The following PURG variants were observed in gnomAD, a reference collection of about 807,000 sequenced individuals.
The protein encoded by PURG is purine rich element binding protein G.
In PURG, 3 loss-of-function variants were observed where a neutral mutation model predicts 24.3. The observed-to-expected ratio is 0.12, with a 90% CI of 0.06 to 0.32. The LOEUF (loss-of-function observed/expected upper bound fraction) is 0.32, where lower values mean the gene tolerates loss of function less well. Among genes scored for constraint, PURG ranks in the 10% least tolerant of loss-of-function variants. The probability of loss-of-function intolerance (pLI) is 1.00; values close to 1 mark genes in which losing one functional copy is unlikely to be tolerated. For missense variants in PURG, 371 were observed against 439.1 expected, an observed-to-expected ratio of 0.84 and a Z score of 1.39; for synonymous variants, 180 against 173.1, an observed-to-expected ratio of 1.04 and a Z score of -0.31.
chr8:31,032,783 C>T lies in PURG; in HGVS notation c.-1G>A. The stretch of plus-strand genomic sequence containing the variant: ...CTCCCCTTCGCCTGGCTCTTTCCAT[C>T]TTCAGCTGCAAGTAACAAACAGACA... On this transcript the variant is annotated 5_prime_UTR_variant, in exon 2 of 2. Transcript: ENST00000523392. This position sits in a 1 kb window ranked among gnomAD's most constrained non-coding sequence, Gnocchi z 5.9. 7.0e-7 allele frequency: 1 copy of T among 1,421,626 alleles called. No individual in the cohort carries two copies. Among genetic ancestry groups the T allele is most frequent in the Non-Finnish European group, 9.2e-7 (1 of 1,084,198 alleles). The allele number at this position is 1,421,626 out of a possible 1,614,324, so 88.1% of individuals were successfully genotyped here.
Position 31,032,709 on chromosome 8 carries a change from A to G in PURG, c.74T>C (p.Leu25Pro). Residue 25 changes from leucine (L) to proline (P), a missense_variant, in exon 2 of 2, where the codon CTA becomes CCA. Physicochemically the swap from Leu to Pro is moderately conservative, Grantham distance 98 (BLOSUM62 -3). Around this residue, in one of 5 missense-constraint regions of PURG, gnomAD observed 213 missense variants for 230.6 expected, o/e 0.92. Coordinates refer to ENST00000523392, the MANE Select transcript of PURG (RefSeq NM_001323311.2). This position sits in a 1 kb window ranked among gnomAD's most constrained non-coding sequence, Gnocchi z 5.9. ...CTGGGGATAGAGTCTACTCTTGCTTAGGCCAGAGCCCCCTACATTCTTGCC... is the reference window on the plus strand; with the variant it reads ...CTGGGGATAGAGTCTACTCTTGCTTGGGCCAGAGCCCCCTACATTCTTGCC... ...RGGKNVGGSG[L>P]SKSRLYPQAQ... is the part of the protein sequence containing the mutation. 1 of 1,489,218 alleles carries G rather than the reference A, an allele frequency of 6.7e-7. No homozygotes were observed. Among genetic ancestry groups the G allele is most frequent in the Non-Finnish European group, 8.9e-7 (1 of 1,118,872 alleles). The allele number at this position is 1,489,218 out of a possible 1,614,324, so 92.3% of individuals were successfully genotyped here.
intron 1 of PURG, among the ~76,000 whole-genome samples, chr8:31,009,752 T>C (rs964295016): frequency 6.6e-6 from 1 of 152,220 alleles, no homozygotes; most frequent in African/African-American, 2.4e-5. Context: ...ACTGTAATGA[T>C]GGTACTGATG....
rs1014971439 is a variant in PURG at position 31,031,722 on chromosome 8, TG to T, written c.*16del. Reference sequence around the variant, plus strand: ...ATTTGTGATTTTAAATTTTGCCTGATGGAGTTCAATTTCACTCTAGTCGAGG... The same window carrying T: ...ATTTGTGATTTTAAATTTTGCCTGATGAGTTCAATTTCACTCTAGTCGAGG... On this transcript the variant is annotated 3_prime_UTR_variant, in exon 2 of 2. Coordinates refer to ENST00000523392, the MANE Select transcript of PURG (RefSeq NM_001323311.2). 6.5e-7 allele frequency: 1 copy of T among 1,527,302 alleles called. No homozygotes were observed. Among genetic ancestry groups the T allele is most frequent in the African/African-American group, 1.4e-5 (1 of 71,742 alleles). The allele number at this position is 1,527,302 out of a possible 1,614,324, so 94.6% of individuals were successfully genotyped here.
chr8:31,012,222 G>A (rs1420519301), intron 1 of PURG, among the ~76,000 whole-genome samples: 1 of 152,142 alleles, frequency 6.6e-6, no homozygotes, highest in Non-Finnish European at 1.5e-5. Flanking sequence ...GGAAACTTAA[G>A]TTTAAAATAT....
At chr8:31,026,586 T>C (rs1811092990), downstream of PURG, among the ~76,000 whole-genome samples, 1 of 148,986 alleles carries the variant, frequency 6.7e-6, no homozygotes, top group South Asian at 2.1e-4. Context: ...TTGAATCTAC[T>C]AGGTACAAGA....
chr8:31,022,573 G>GACCCAA (rs1202712938), intron 1 of PURG, among the ~76,000 whole-genome samples: 4 of 152,188 alleles, frequency 2.6e-5, no homozygotes, highest in African/African-American at 4.8e-5. Flanking sequence ...AAATAAATAG[G>GACCCAA]ATGGAGTGGG....
chr8:31,026,637 A>AATAT (rs397791712), downstream of PURG, among the ~76,000 whole-genome samples: 6,870 of 128,434 alleles, frequency 0.053, 247 homozygotes, highest in African/African-American at 0.087. Flanking sequence ...TTTTAAAAAG[A>AATAT]ATATATATAT....
At chr8:31,030,466 G>A (rs1426453997), downstream of PURG, among the ~76,000 whole-genome samples, 1 of 151,968 alleles carries the variant, frequency 6.6e-6, no homozygotes, top group Non-Finnish European at 1.5e-5. Flanking sequence ...TTGCTTAGGT[G>A]TTGAAAAATT....
chr8:31,012,703 T>A (rs1563305940), intron 1 of PURG, among the ~76,000 whole-genome samples: 1 of 152,174 alleles, frequency 6.6e-6, no homozygotes, highest in Non-Finnish European at 1.5e-5. Context: ...CAAGCTGGGG[T>A]CCACAGAGGC....
At position 31,033,127 on chromosome 8, in the gene PURG, GCCGCCA is replaced by G. The variant is rs1024640643; in HGVS notation, c.-62_-57del. 3 of 221,358 alleles carry G rather than the reference GCCGCCA, an allele frequency of 1.4e-5. No homozygotes were observed. Among genetic ancestry groups the G allele is most frequent in the African/African-American group, 7.2e-5 (3 of 41,926 alleles). The allele number at this position is 221,358 out of a possible 1,614,324, so 13.7% of individuals were successfully genotyped here. ...GCCGATGCCCTTCACGACCACCGCC[GCCGCCA>G]CCGCCAGCTCTCGGCCCCTCTGCTG... On this transcript the variant is annotated 5_prime_UTR_variant, in exon 1 of 2. Coordinates refer to ENST00000523392, the MANE Select transcript of PURG (RefSeq NM_001323311.2).
chr8:31,030,707 T>C (rs1457526642), downstream of PURG: 7 of 151,740 alleles, frequency 4.6e-5, no homozygotes, highest in Non-Finnish European at 8.8e-5. Flanking sequence ...CAGGATTATA[T>C]TGGAAGTGTT....
Position 30,996,689 on chromosome 8 carries a change from A to G in PURG, c.873T>C (p.Asn291=), listed in dbSNP as rs1475093924. The G allele has an allele frequency of 3.7e-6, 6 of 1,608,460 alleles. 1 individual carries two copies. Among genetic ancestry groups the G allele is most frequent in the South Asian group, 3.3e-5 (3 of 90,400 alleles). The change falls in exon 2 of 2, where the codon AAT becomes AAC. Residue 291 remains asparagine, a synonymous_variant. Transcript: ENST00000339382. ...TGATATTCTCTCTGGATTTGGGGTA[A>G]TTTGTGAGCTAAAGAAAAAATATTA...
At chr8:31,028,883 T>C (rs928486592), downstream of PURG, among the ~76,000 whole-genome samples, 5 of 151,848 alleles carry the variant, frequency 3.3e-5, no homozygotes, top group Non-Finnish European at 5.9e-5. Flanking sequence ...GTTTTAGAAT[T>C]ATACAGTGAA....
chr8:31,021,235 T>C (rs1380120446), intron 1 of PURG, among the ~76,000 whole-genome samples: 1 of 152,176 alleles, frequency 6.6e-6, no homozygotes, highest in Non-Finnish European at 1.5e-5. Flanking sequence ...AAGATTTATT[T>C]TGAAACTAAG....
intron 1 of PURG, among the ~76,000 whole-genome samples, chr8:30,998,041 G>A (rs1042673281): frequency 6.6e-6 from 1 of 151,740 alleles, no homozygotes; most frequent in African/African-American, 2.4e-5. Flanking sequence ...AATTATGATT[G>A]CCTTTACATT....
rs1195847581 is a variant in PURG at position 31,016,577 on chromosome 8, GAACCAAAAAAA to G, written c.864+15331_864+15341del. On this transcript the variant is annotated intron_variant, in intron 1 of 1. Coordinates refer to the PURG transcript ENST00000339382. ...GGAAGAAAGAATGCAAGTCTACCAAGAACCAAAAAAAAAAAAAAAAAAAAAAAAAAAAGAAA... is the reference window on the plus strand; with the variant it reads ...GGAAGAAAGAATGCAAGTCTACCAAGAAAAAAAAAAAAAAAAAAAAAGAAA... Among the ~76,000 whole-genome samples the G allele has an allele frequency of 4.6e-3, 173 of 37,338 alleles. 6 individuals carry two copies. The highest frequency in any genetic ancestry group is 0.015 in the African/African-American group (160 of 10,482). 24.5% of individuals were successfully genotyped at this position (37,338 alleles called of 152,430 possible).
rs556499646 is a variant in PURG, at chr8:31,031,611, T to G, written c.*128A>C. On this transcript the variant is annotated 3_prime_UTR_variant, in exon 2 of 2. Coordinates refer to ENST00000523392, the MANE Select transcript of PURG (RefSeq NM_001323311.2). ...CATGAGAATCAGACTTCCTGAAGTA[T>G]CAACTACTAGAGGTATTACTAATAA... The G allele has an allele frequency of 7.8e-6, 6 of 767,966 alleles. No homozygotes were observed. Among genetic ancestry groups the G allele is most frequent in the Non-Finnish European group, 1.0e-5 (5 of 488,292 alleles). 47.6% of individuals were successfully genotyped at this position (767,966 alleles called of 1,614,324 possible). A position where few individuals can be genotyped will look rare whatever the true frequency, so the allele number is the denominator to read the frequency against.
chr8:31,032,818 G>A lies in PURG; in HGVS notation c.-6-30C>T. On this transcript the variant is annotated intron_variant, in intron 1 of 1. Coordinates refer to ENST00000523392, the MANE Select transcript of PURG (RefSeq NM_001323311.2). This position sits in a 1 kb window ranked among gnomAD's most constrained non-coding sequence, Gnocchi z 5.9. Reference sequence around the variant, plus strand: ...AAGTAACAAACAGACACACGGGATGGGGTGGGGGAGGGGTGTTGAGAACAA... The same window carrying A: ...AAGTAACAAACAGACACACGGGATGAGGTGGGGGAGGGGTGTTGAGAACAA... 1 of 1,357,818 alleles carries A rather than the reference G, an allele frequency of 7.4e-7. No individual in the cohort carries two copies. Among genetic ancestry groups the A allele is most frequent in the South Asian group, 2.1e-5 (1 of 48,018 alleles). The allele number at this position is 1,357,818 out of a possible 1,614,324, so 84.1% of individuals were successfully genotyped here.
chr8:31,022,175 T>C lies in PURG; in HGVS notation c.864+9744A>G, dbSNP rs562664661. ...TAGTAGAGACGGAGTTTAACCATGT[T>C]GGTCAGGCTGGTCTTGAACTCCTGA... On this transcript the variant is annotated intron_variant, in intron 1 of 1. Transcript: ENST00000339382. Among the ~76,000 whole-genome samples, 20 of 152,294 alleles carry C rather than the reference T, an allele frequency of 1.3e-4. No homozygotes were observed. The South Asian group carries it at 4.1e-3, about 32-fold the overall frequency.
Sources: allele counts gnomAD v4.1 joint callset (sites outside exome capture counted in the v4.1 genomes callset), GRCh38; gene constraint gnomAD v4.1.1; regional missense constraint gnomAD v4.1.1; non-coding constraint Gnocchi (gnomAD v3.1); transcripts MANE v1.5; gene names NCBI Gene and HGNC (gene_info 2026-07-23, HGNC 2026-07-21).